CSMD3: variants seen among roughly 807,000 people sequenced by gnomAD.
The protein encoded by CSMD3 is CUB and Sushi multiple domains 3.
In CSMD3, 177 loss-of-function variants were observed where a neutral mutation model predicts 435.2. The ratio of observed to expected loss-of-function variants is 0.41; its 90% CI spans 0.36 to 0.46. The LOEUF (loss-of-function observed/expected upper bound fraction) is 0.46. CSMD3 is among the 20% of genes least tolerant of loss of function. The pLI is 0.34. For synonymous variants in CSMD3, 1,656 were observed against 1,520.5 expected (o/e 1.09, Z -2.07); for missense variants, 4,265 against 4,504.6 (o/e 0.95, Z 1.52).
At chr8:112,683,401 T>C (rs1445988120) in intron 15 of CSMD3, among the ~76,000 whole-genome samples, 1 of 151,996 alleles carries the variant, frequency 6.6e-6, no homozygotes, top group Non-Finnish European at 1.5e-5. Flanking sequence ...CTCAACAACC[T>C]ATTGTATCTT....
chr8:113,057,852 GA>G (rs1257921174), intron 5 of CSMD3, among the ~76,000 whole-genome samples: 3 of 151,746 alleles, frequency 2.0e-5, no homozygotes, highest in African/African-American at 4.8e-5. Flanking sequence ...TGTAGGATAT[GA>G]AAAAAATATT....
chr8:112,380,905 AAT>A (rs1331702160), intron 37 of CSMD3, among the ~76,000 whole-genome samples: 2 of 152,154 alleles, frequency 1.3e-5, no homozygotes, highest in Non-Finnish European at 2.9e-5. Flanking sequence ...TCTGTTTTCC[AAT>A]ATGTTTTTTT....
At chr8:113,167,718 T>C (rs2092181201) in intron 4 of CSMD3, among the ~76,000 whole-genome samples, 1 of 152,230 alleles carries the variant, frequency 6.6e-6, no homozygotes, top group South Asian at 2.1e-4. Context: ...GCAATTTTGT[T>C]AGCAGGCTTT....
chr8:112,522,190 A>G (rs1824361810), intron 27 of CSMD3, among the ~76,000 whole-genome samples: 2 of 151,838 alleles, frequency 1.3e-5, no homozygotes, highest in Admixed American at 6.6e-5. Context: ...AACTGTACCC[A>G]TGGCTAAAAT....
intron 27 of CSMD3, among the ~76,000 whole-genome samples, chr8:112,535,393 C>A (rs1043959053): frequency 6.6e-6 from 1 of 151,752 alleles, no homozygotes; most frequent in African/African-American, 2.4e-5. Flanking sequence ...AAACAGAGAG[C>A]CAAATCATGA....
chr8:112,421,217 A>G (rs186867869), intron 32 of CSMD3, among the ~76,000 whole-genome samples: 1 of 151,788 alleles, frequency 6.6e-6, no homozygotes, highest in African/African-American at 2.4e-5. Flanking sequence ...ACTTATTCTC[A>G]CTATAAAATG....
intron 1 of CSMD3, among the ~76,000 whole-genome samples, chr8:113,427,986 T>G (rs2094646054): frequency 6.6e-6 from 1 of 151,784 alleles, no homozygotes; most frequent in Non-Finnish European, 1.5e-5. Context: ...TGTTTACCTC[T>G]GTTTTATCTT....
chr8:112,307,200 T>C (rs1298883780), intron 50 of CSMD3, among the ~76,000 whole-genome samples: 1 of 152,062 alleles, frequency 6.6e-6, no homozygotes, highest in Non-Finnish European at 1.5e-5. Flanking sequence ...CTGGGATCAC[T>C]GCAACCTCTA....
chr8:112,516,696 A>G (rs1586574774), intron 28 of CSMD3, among the ~76,000 whole-genome samples: 1 of 152,212 alleles, frequency 6.6e-6, no homozygotes, highest in Non-Finnish European at 1.5e-5. Flanking sequence ...CAAGATCAAT[A>G]TGACCCATTT....
At chr8:112,885,381 CAT>C (rs1364485633) in intron 10 of CSMD3, among the ~76,000 whole-genome samples, 2 of 142,202 alleles carry the variant, frequency 1.4e-5, no homozygotes, top group Non-Finnish European at 3.1e-5. Flanking sequence ...TATATATATA[CAT>C]ATATATATTT....
intron 32 of CSMD3, among the ~76,000 whole-genome samples, chr8:112,463,599 T>C (rs114828101): frequency 3.9e-5 from 6 of 152,300 alleles, no homozygotes; most frequent in African/African-American, 1.4e-4. Flanking sequence ...ATCAGATCTT[T>C]TAATAACTGG....
intron 1 of CSMD3, among the ~76,000 whole-genome samples, chr8:113,391,151 A>G (rs2094459668): frequency 6.6e-6 from 1 of 152,018 alleles, no homozygotes; most frequent in Admixed American, 6.6e-5. Context: ...ACATGGTTAC[A>G]TAGATTCACC....
intron 13 of CSMD3, among the ~76,000 whole-genome samples, chr8:112,780,433 C>T (rs141080125): frequency 5.8e-4 from 88 of 152,170 alleles, no homozygotes; most frequent in Middle Eastern, 3.4e-3. Context: ...CCTCCAGTGA[C>T]CGTCAACATC....
At chr8:112,358,726 C>T (rs893091145) in intron 38 of CSMD3, among the ~76,000 whole-genome samples, 1 of 152,116 alleles carries the variant, frequency 6.6e-6, no homozygotes, top group African/African-American at 2.4e-5. Flanking sequence ...ACTGTAAGTC[C>T]AGTTAAACCT....
chr8:112,278,200 A>G (rs1818271673), intron 59 of CSMD3, among the ~76,000 whole-genome samples: 4 of 152,122 alleles, frequency 2.6e-5, no homozygotes, highest in East Asian at 1.9e-4. Context: ...GATGACTATC[A>G]TTACCTGAGG....
At chr8:112,327,771 T>C (rs779365684) in intron 45 of CSMD3, among the ~76,000 whole-genome samples, 19 of 152,226 alleles carry the variant, frequency 1.2e-4, no homozygotes, top group Non-Finnish European at 2.2e-4. Context: ...ATTTAAATAG[T>C]TCTCTGTTTT....
chr8:113,295,056 G>A (rs2093710280), intron 2 of CSMD3, among the ~76,000 whole-genome samples: 1 of 151,914 alleles, frequency 6.6e-6, no homozygotes, highest in African/African-American at 2.4e-5. Flanking sequence ...TGGGTACATA[G>A]CAGGTGCATA....
In CSMD3 at chr8:113,085,030, C is replaced by T. The variant is rs185417405; in HGVS notation, c.917+13726G>A. Among the ~76,000 whole-genome samples, 86 of 151,892 alleles carry T rather than the reference C, an allele frequency of 5.7e-4. No individual in the cohort carries two copies. The East Asian group carries it at 0.016, about 29-fold the overall frequency. Reference sequence around the variant, plus strand: ...TATAAAACTACTAGAAGAATGCATACGAAACACACTTGAGGACATTGGTCT... The same window carrying T: ...TATAAAACTACTAGAAGAATGCATATGAAACACACTTGAGGACATTGGTCT... On this transcript the variant is annotated intron_variant, in intron 5 of 70. Coordinates refer to ENST00000297405, the MANE Select transcript of CSMD3 (RefSeq NM_198123.2).
intron 28 of CSMD3, among the ~76,000 whole-genome samples, chr8:112,513,930 T>C (rs995249883): frequency 1.3e-5 from 2 of 152,170 alleles, no homozygotes; most frequent in East Asian, 1.9e-4. Flanking sequence ...TAGAGATGCA[T>C]ACATACATGT....
Sources: allele counts gnomAD v4.1 joint callset (sites outside exome capture counted in the v4.1 genomes callset), GRCh38; gene constraint gnomAD v4.1.1; transcripts MANE v1.5; gene names NCBI Gene and HGNC (gene_info 2026-07-23, HGNC 2026-07-21).